Variants in PPP2R2C observed in about 807,000 individuals in gnomAD.
The protein encoded by PPP2R2C is protein phosphatase 2 regulatory subunit Bgamma.
Under a neutral mutation model 45.3 loss-of-function variants are expected in PPP2R2C, and 10 were observed. The ratio of observed to expected loss-of-function variants is 0.22; its 90% CI spans 0.14 to 0.37. The LOEUF (loss-of-function observed/expected upper bound fraction) is 0.37, where lower values mean the gene tolerates loss of function less well. Among genes scored for constraint, PPP2R2C ranks in the 10% least tolerant of loss-of-function variants. The pLI is 1.00. For missense variants in PPP2R2C, 308 were observed against 619.7 expected (o/e 0.50, Z 5.34); for synonymous variants, 257 against 245.4 (o/e 1.05, Z -0.44).
intron 1 of PPP2R2C, among the ~76,000 whole-genome samples, chr4:6,536,533 G>C (rs191204540): frequency 1.6e-4 from 24 of 152,360 alleles, no homozygotes; most frequent in African/African-American, 4.3e-4. Flanking sequence ...AATTAAACCA[G>C]AAACGTAGCA....
At chr4:6,387,009 A>G (rs1049498816) in intron 1 of PPP2R2C, among the ~76,000 whole-genome samples, 3 of 152,214 alleles carry the variant, frequency 2.0e-5, no homozygotes, top group Non-Finnish European at 2.9e-5. Flanking sequence ...TAGAAGAGTT[A>G]GTGAACTTGA....
intron 1 of PPP2R2C, among the ~76,000 whole-genome samples, chr4:6,551,196 G>C (rs1725173414): frequency 6.6e-6 from 1 of 152,216 alleles, no homozygotes; most frequent in Non-Finnish European, 1.5e-5. Flanking sequence ...CTTCCAGGGG[G>C]ATTGGAGGCT....
At position 6,387,298 on chromosome 4, in the gene PPP2R2C, C is replaced by T. The variant is rs1014165762; in HGVS notation, c.71-6204G>A. Among the ~76,000 whole-genome samples the T allele has an allele frequency of 5.9e-5, 9 of 152,270 alleles. No individual in the cohort carries two copies. The South Asian group carries it at 1.9e-3, about 32-fold the overall frequency. ...GCACAAGGAAAATTATACCCAGGTA[C>T]ATCCTGGTCAAACTGCAAACTACTG... On this transcript the variant is annotated intron_variant, in intron 1 of 8. Coordinates refer to ENST00000382599, the MANE Select transcript of PPP2R2C (RefSeq NM_020416.4).
intron 1 of PPP2R2C, among the ~76,000 whole-genome samples, chr4:6,456,836 A>C (rs1721066212): frequency 6.6e-6 from 1 of 152,212 alleles, no homozygotes; most frequent in South Asian, 2.1e-4. Flanking sequence ...GGCCACGTGG[A>C]GGGCCCATGC....
At chr4:6,486,431 A>AT (rs992219640) in intron 2 of PPP2R2C, among the ~76,000 whole-genome samples, 2 of 151,944 alleles carry the variant, frequency 1.3e-5, no homozygotes, top group East Asian at 1.9e-4. Flanking sequence ...TTTCTTACAC[A>AT]TTTTTTTGTT....
chr4:6,435,899 T>A (rs1270724493), intron 1 of PPP2R2C, among the ~76,000 whole-genome samples: 1 of 152,180 alleles, frequency 6.6e-6, no homozygotes, highest in Non-Finnish European at 1.5e-5. Context: ...ACACCAGTTG[T>A]TATGGTCTGA....
At chr4:6,513,123 G>T (rs1723722629) in intron 2 of PPP2R2C, among the ~76,000 whole-genome samples, 1 of 152,122 alleles carries the variant, frequency 6.6e-6, no homozygotes, top group East Asian at 1.9e-4. Flanking sequence ...ATTTACCAAA[G>T]GACAACACGT....
chr4:6,551,790 A>T (rs1485886446), intron 1 of PPP2R2C, among the ~76,000 whole-genome samples: 2 of 152,210 alleles, frequency 1.3e-5, no homozygotes, highest in Admixed American at 1.3e-4. Flanking sequence ...CACCCAGCCC[A>T]GTCCATCCTC....
intron 2 of PPP2R2C, among the ~76,000 whole-genome samples, chr4:6,519,276 C>T (rs1003668414): frequency 7.2e-5 from 11 of 152,154 alleles, no homozygotes; most frequent in Admixed American, 5.2e-4. Flanking sequence ...CATATGAGAG[C>T]CCCCACGGCA....
intron 1 of PPP2R2C, chr4:6,381,428 T>C (rs576014721): frequency 7.2e-7 from 1 of 1,397,030 alleles, no homozygotes; most frequent in East Asian, 3.0e-5. Context: ...TGTGGCCTCA[T>C]CCTCCTGTCT....
intron 2 of PPP2R2C, among the ~76,000 whole-genome samples, chr4:6,498,685 C>CA (rs1406717161): frequency 1.3e-5 from 2 of 152,056 alleles, no homozygotes; most frequent in East Asian, 1.9e-4. Context: ...CGTTGGGGAG[C>CA]AACAGTTCAC....
At chr4:6,347,797 G>GCCCC in intron 6 of PPP2R2C, 49 bp downstream of exon 6, 1 of 603,154 alleles carries the variant, frequency 1.7e-6, no homozygotes, top group Non-Finnish European at 2.4e-6. Flanking sequence ...CATCCCACCC[G>GCCCC]CCCGCCTGCC....
Position 6,378,293 on chromosome 4 carries a change from T to C in PPP2R2C, c.334+114A>G, listed in dbSNP as rs1447022800. On this transcript the variant is annotated intron_variant, in intron 3 of 8. Transcript: ENST00000382599. This position sits in a 1 kb window ranked among gnomAD's most constrained non-coding sequence, Gnocchi z 5.2. Reference sequence around the variant, plus strand: ...GCTGCTCAAAAAGGATATTATTTTCTAGGCGTTCTGAAGACATAGAAAAAT... The same window carrying C: ...GCTGCTCAAAAAGGATATTATTTTCCAGGCGTTCTGAAGACATAGAAAAAT... 12 of 1,551,052 alleles carry C rather than the reference T, an allele frequency of 7.7e-6. No individual in the cohort carries two copies. In the Admixed American group the frequency reaches 2.0e-4, roughly 26 times the overall value.
chr4:6,425,143 G>A (rs1719213541), intron 1 of PPP2R2C, among the ~76,000 whole-genome samples: 1 of 152,212 alleles, frequency 6.6e-6, no homozygotes, highest in Non-Finnish European at 1.5e-5. Context: ...GCTGGAACAT[G>A]AGAGTCAGGG....
At chr4:6,441,161 G>A (rs1720131834) in intron 1 of PPP2R2C, among the ~76,000 whole-genome samples, 1 of 152,050 alleles carries the variant, frequency 6.6e-6, no homozygotes, top group South Asian at 2.1e-4. Context: ...GAGGGAAGCC[G>A]CCAACAGGGA....
At chr4:6,549,388 G>A (rs961224118) in intron 1 of PPP2R2C, among the ~76,000 whole-genome samples, 5 of 152,146 alleles carry the variant, frequency 3.3e-5, no homozygotes, top group African/African-American at 1.2e-4. Context: ...AACTCCAGAT[G>A]GAGGGTGGTC....
chr4:6,322,519 A>G lies in PPP2R2C; in HGVS notation c.*783T>C, dbSNP rs7697730. On this transcript the variant is annotated 3_prime_UTR_variant, in exon 9 of 9. Transcript: ENST00000382599. The surrounding 1 kb of genome is among the most constrained non-coding windows in gnomAD (Gnocchi z 7.8). ...GGTGAGGCGGCAGGGAGGGCTGCAG[A>G]GGGTAAGTCAACTGCCTCTAGGGCT... 90,263 of 152,090 alleles carry G rather than the reference A, an allele frequency of 0.59. 27,437 individuals are homozygous for G. The highest frequency in any genetic ancestry group is 0.91 in the East Asian group (4,694 of 5,166). The allele number at this position is 152,090 out of a possible 1,614,324, so 9.4% of individuals were successfully genotyped here. A position where few individuals can be genotyped will look rare whatever the true frequency, so the allele number is the denominator to read the frequency against.
At chr4:6,496,963 T>C (rs1011386408) in intron 2 of PPP2R2C, among the ~76,000 whole-genome samples, 4 of 151,996 alleles carry the variant, frequency 2.6e-5, no homozygotes, top group African/African-American at 9.7e-5. Flanking sequence ...GGGAGGGCCA[T>C]AGTAAATAGC....
chr4:6,446,233 G>A (rs566203118), intron 1 of PPP2R2C, among the ~76,000 whole-genome samples: 52 of 152,254 alleles, frequency 3.4e-4, no homozygotes, highest in African/African-American at 1.2e-3. Context: ...CTGCAGCGTC[G>A]TCAAACCACC....
Sources: allele counts gnomAD v4.1 joint callset (sites outside exome capture counted in the v4.1 genomes callset), GRCh38; gene constraint gnomAD v4.1.1; non-coding constraint Gnocchi (gnomAD v3.1); transcripts MANE v1.5; gene names NCBI Gene and HGNC (gene_info 2026-07-23, HGNC 2026-07-21).